FGD4: variants seen among roughly 807,000 people sequenced by gnomAD.
The protein encoded by FGD4 is FYVE, RhoGEF and PH domain containing 4, also known as FYVE, RhoGEF and PH domain-containing protein 4.
Under a neutral mutation model 102.0 loss-of-function variants are expected in FGD4, and 42 were observed. That is an observed-to-expected ratio of 0.41 (90% CI 0.32 to 0.53). FGD4 has a LOEUF of 0.53. Among genes scored for constraint, FGD4 ranks in the 20% least tolerant of loss-of-function variants. FGD4 has a pLI of 0.21. For missense variants in FGD4, 902 were observed against 1,078.2 expected, an observed-to-expected ratio of 0.84 and a Z score of 2.29; for synonymous variants, 380 against 375.7, an observed-to-expected ratio of 1.01 and a Z score of -0.13.
intron 14 of FGD4, among the ~76,000 whole-genome samples, chr12:32,626,395 GAT>G (rs1950171946): frequency 6.8e-6 from 1 of 146,262 alleles, no homozygotes; most frequent in South Asian, 2.2e-4. Context: ...AGTGAGCTGA[GAT>G]CGCACCATTG....
intron 1 of FGD4, among the ~76,000 whole-genome samples, chr12:32,498,181 G>A (rs1937937847): frequency 6.6e-6 from 1 of 152,184 alleles, no homozygotes; most frequent in Non-Finnish European, 1.5e-5. Context: ...GTGCCTAGGC[G>A]CTTTGGGTAT....
Position 32,459,019 on chromosome 12 carries a change from T to C in FGD4, c.166+59060T>C, listed in dbSNP as rs529456615. On this transcript the variant is annotated intron_variant, in intron 1 of 16. Coordinates refer to ENST00000534526, the MANE Select transcript of FGD4 (RefSeq NM_001370298.3). ...AATCCTTTCCTCATGTAACTGGCTA[T>C]TGGTAGGAGGAAAATTATCAACAGG... Among the ~76,000 whole-genome samples, 9 of 152,246 alleles carry C rather than the reference T, an allele frequency of 5.9e-5. No individual in the cohort carries two copies. In the East Asian group the frequency reaches 1.5e-3, roughly 26 times the overall value.
intron 3 of FGD4, 93 bp downstream of exon 3, chr12:32,576,542 A>G: frequency 2.9e-6 from 4 of 1,377,136 alleles, no homozygotes; most frequent in South Asian, 2.4e-5. Context: ...AATAAAAAGC[A>G]TAATATCTTA....
rs1295711335 is a variant in FGD4, at chr12:32,564,063, G to A, written c.167-74G>A. 6.4e-6 allele frequency: 9 copies of A among 1,401,342 alleles called. No homozygotes were observed. In the Admixed American group the frequency reaches 1.4e-4, roughly 22 times the overall value. 86.8% of individuals were successfully genotyped at this position (1,401,342 alleles called of 1,614,324 possible). On this transcript the variant is annotated intron_variant, in intron 1 of 16. Transcript: ENST00000534526. ...GGGGAGGGAGAGGGAGTGGGAGAGG[G>A]GAAATTTAACTTATAAGGCAGTATT...
At chr12:32,509,638 C>G (rs1177614696) in intron 1 of FGD4, among the ~76,000 whole-genome samples, 1 of 152,116 alleles carries the variant, frequency 6.6e-6, no homozygotes, top group East Asian at 1.9e-4. Context: ...TTATCTTAAT[C>G]AGAGAACACA....
intron 14 of FGD4, among the ~76,000 whole-genome samples, chr12:32,630,319 A>G (rs1054999292): frequency 7.2e-5 from 11 of 152,212 alleles, no homozygotes; most frequent in African/African-American, 2.4e-4. Flanking sequence ...AGTCAAAAAC[A>G]TATTTAATCG....
At chr12:32,459,874 GT>G (rs1200708968) in intron 1 of FGD4, among the ~76,000 whole-genome samples, 3 of 148,914 alleles carry the variant, frequency 2.0e-5, no homozygotes, top group African/African-American at 4.9e-5. Flanking sequence ...GATTTTTTTT[GT>G]TTTTTTTTGT....
At chr12:32,520,041 G>A (rs1030780287) in intron 1 of FGD4, among the ~76,000 whole-genome samples, 4 of 152,174 alleles carry the variant, frequency 2.6e-5, no homozygotes, top group Non-Finnish European at 1.5e-5. Context: ...TATTACTATA[G>A]ATGGAAATTT....
At chr12:32,487,400 T>G (rs1943941622) in intron 1 of FGD4, among the ~76,000 whole-genome samples, 1 of 150,794 alleles carries the variant, frequency 6.6e-6, no homozygotes, top group Admixed American at 6.7e-5. Flanking sequence ...GCTTGCAATT[T>G]TAAAATTTAT....
At chr12:32,623,189 A>AG (rs1215267509) in intron 11 of FGD4, among the ~76,000 whole-genome samples, 1 of 152,110 alleles carries the variant, frequency 6.6e-6, no homozygotes, top group Non-Finnish European at 1.5e-5. Context: ...AAAAATATAA[A>AG]GGGGAAAAAA....
At chr12:32,485,954 A>G (rs778342020) in intron 1 of FGD4, 1 of 1,286,700 alleles carries the variant, frequency 7.8e-7, no homozygotes, top group Non-Finnish European at 9.8e-7. Flanking sequence ...TATGAAACAG[A>G]ACTCTGTACT....
chr12:32,465,322 C>T (rs1301289423), intron 1 of FGD4, among the ~76,000 whole-genome samples: 3 of 151,834 alleles, frequency 2.0e-5, no homozygotes, highest in Non-Finnish European at 2.9e-5. Context: ...TGCCATAGCC[C>T]CCCCAGCCCT....
At chr12:32,526,426 G>A (rs1592111622) in intron 1 of FGD4, among the ~76,000 whole-genome samples, 1 of 152,164 alleles carries the variant, frequency 6.6e-6, no homozygotes, top group African/African-American at 2.4e-5. Flanking sequence ...GCTCTAGTGG[G>A]GCCTTGGAGA....
chr12:32,537,344 T>C (rs896069511), intron 1 of FGD4, among the ~76,000 whole-genome samples: 1 of 152,228 alleles, frequency 6.6e-6, no homozygotes, highest in African/African-American at 2.4e-5. Flanking sequence ...CCTCTACTGT[T>C]ACTTGCCCTG....
chr12:32,536,305 A>G (rs1942254087), intron 1 of FGD4, among the ~76,000 whole-genome samples: 1 of 152,232 alleles, frequency 6.6e-6, no homozygotes, highest in Non-Finnish European at 1.5e-5. Flanking sequence ...ATTTAAATTT[A>G]ATCAGTTCTT....
At chr12:32,485,962 A>G in intron 1 of FGD4, 1 of 1,317,260 alleles carries the variant, frequency 7.6e-7, no homozygotes, top group African/African-American at 1.5e-5. Flanking sequence ...AGAACTCTGT[A>G]CTTCCCATTA....
In FGD4 at chr12:32,638,757, C is replaced by T. The variant is rs1390335586; in HGVS notation, c.2416C>T (p.Gln806Ter). ...GAAAGCTTGGTGTGTGATCCCCAAG[C>T]AAGACCCTCTTGTGCTGTACATGTA... The part of the protein sequence containing the change: ...WQKAWCVIPK[Q>*]DPLVLYMYGA... The change falls in exon 16 of 17, where the codon CAA (glutamine) becomes TAA (stop). Residue 806 changes from glutamine to a stop codon, truncating the protein, a stop_gained. Transcript: ENST00000534526. LOFTEE classifies it high-confidence loss of function. 3 of 1,614,066 alleles carry T rather than the reference C, an allele frequency of 1.9e-6. No individual in the cohort carries two copies. In the Admixed American group the frequency reaches 5.0e-5, roughly 27 times the overall value.
intron 1 of FGD4, among the ~76,000 whole-genome samples, chr12:32,525,786 G>A (rs1252132462): frequency 6.6e-6 from 1 of 152,248 alleles, no homozygotes; most frequent in African/African-American, 2.4e-5. Context: ...CAGCCCTGCT[G>A]GCCCCAGGCA....
chr12:32,602,091 G>A, intron 6 of FGD4, 70 bp from the exon 7 acceptor site: 1 of 1,409,852 alleles, frequency 7.1e-7, no homozygotes, highest in Non-Finnish European at 1.0e-6. Flanking sequence ...CTACAGTCTG[G>A]GTGACAGAAC....
Sources: allele counts gnomAD v4.1 joint callset (sites outside exome capture counted in the v4.1 genomes callset), GRCh38; gene constraint gnomAD v4.1.1; transcripts MANE v1.5; gene names NCBI Gene and HGNC (gene_info 2026-07-23, HGNC 2026-07-21).